The following CSMD1 variants were observed in gnomAD, a reference collection of about 807,000 sequenced individuals.
The protein encoded by CSMD1 is CUB and Sushi multiple domains 1, also known as CUB and sushi domain-containing protein 1.
A neutral mutation model predicts 417.5 loss-of-function variants in CSMD1; 213 were observed. The observed-to-expected ratio is 0.51, with a 90% CI of 0.46 to 0.57. The LOEUF (loss-of-function observed/expected upper bound fraction) is 0.57, where lower values mean the gene tolerates loss of function less well. Among genes scored for constraint, CSMD1 ranks in the 20% least tolerant of loss-of-function variants. The pLI, the probability that CSMD1 is intolerant of heterozygous loss-of-function variation, is 0.00. For synonymous variants in CSMD1, 2,862 were observed against 1,736.8 expected (o/e 1.65, Z -16.11); for missense variants, 6,923 against 4,529.7 (o/e 1.53, Z -15.17).
chr8:4,157,392 T>A (rs1007603078), intron 3 of CSMD1, among the ~76,000 whole-genome samples: 7 of 152,170 alleles, frequency 4.6e-5, no homozygotes, highest in South Asian at 2.1e-4. Flanking sequence ...AGCTCAAAGG[T>A]TGAATTGAAA....
chr8:3,055,749 G>A (rs11136565), intron 49 of CSMD1, among the ~76,000 whole-genome samples: 16,931 of 152,228 alleles, frequency 0.11, 1,205 homozygotes, highest in East Asian at 0.35. Flanking sequence ...CAGCTTAGGC[G>A]AATAATCATT....
chr8:2,945,818 T>C (rs188792773), intron 68 of CSMD1, among the ~76,000 whole-genome samples: 30 of 152,332 alleles, frequency 2.0e-4, no homozygotes, highest in African/African-American at 6.0e-4. Context: ...ACTACAATGA[T>C]AAATCAAACA....
At chr8:2,961,559 G>C (rs1228923207) in intron 61 of CSMD1, among the ~76,000 whole-genome samples, 1 of 151,696 alleles carries the variant, frequency 6.6e-6, no homozygotes, top group African/African-American at 2.4e-5. Flanking sequence ...TGCTTATTAG[G>C]ATTCAATAAT....
intron 7 of CSMD1, among the ~76,000 whole-genome samples, chr8:3,669,219 A>C (rs993361399): frequency 6.6e-6 from 1 of 152,238 alleles, no homozygotes; most frequent in Non-Finnish European, 1.5e-5. Flanking sequence ...AAATTCAAAG[A>C]CACTAAATAA....
intron 12 of CSMD1, among the ~76,000 whole-genome samples, chr8:3,423,690 C>T (rs973066234): frequency 3.3e-5 from 5 of 152,114 alleles, no homozygotes; most frequent in South Asian, 2.1e-4. Context: ...GAAAGTCTTA[C>T]GAATGTTCCA....
At chr8:4,642,791 T>G (rs887267937) in intron 1 of CSMD1, among the ~76,000 whole-genome samples, 3 of 152,208 alleles carry the variant, frequency 2.0e-5, no homozygotes, top group Non-Finnish European at 4.4e-5. Context: ...GGAATGGTTT[T>G]GCTATTCAAA....
chr8:4,803,985 G>T (rs1163666546), intron 1 of CSMD1, among the ~76,000 whole-genome samples: 2 of 152,138 alleles, frequency 1.3e-5, no homozygotes, highest in Non-Finnish European at 2.9e-5. Flanking sequence ...AGTCAAAGAC[G>T]GCAGGAGCCA....
At chr8:4,151,350 G>A (rs989704227) in intron 3 of CSMD1, among the ~76,000 whole-genome samples, 1 of 152,160 alleles carries the variant, frequency 6.6e-6, no homozygotes, top group Admixed American at 6.5e-5. Flanking sequence ...CTTATTTACA[G>A]TGAGACATTA....
At chr8:3,808,185 T>C (rs1218832562) in intron 5 of CSMD1, among the ~76,000 whole-genome samples, 1 of 152,204 alleles carries the variant, frequency 6.6e-6, no homozygotes, top group Non-Finnish European at 1.5e-5. Flanking sequence ...CCTATTAAAA[T>C]TGTTTTTGCA....
At chr8:3,972,462 C>A (rs556970196) in intron 5 of CSMD1, among the ~76,000 whole-genome samples, 2 of 152,256 alleles carry the variant, frequency 1.3e-5, no homozygotes, top group Admixed American at 1.3e-4. Flanking sequence ...GATTCCTTGG[C>A]TTCTTTCATT....
intron 25 of CSMD1, among the ~76,000 whole-genome samples, chr8:3,290,927 G>C (rs1328536210): frequency 1.3e-5 from 2 of 152,114 alleles, no homozygotes; most frequent in Non-Finnish European, 2.9e-5. Context: ...AATGCTTCCA[G>C]TTTTTCCCAT....
intron 5 of CSMD1, among the ~76,000 whole-genome samples, chr8:3,827,040 T>C (rs896629820): frequency 1.3e-5 from 2 of 152,166 alleles, no homozygotes; most frequent in Admixed American, 6.6e-5. Context: ...TCTTGGCCTT[T>C]TGAAGTGTTG....
At chr8:3,315,091 T>C (rs548190685) in intron 23 of CSMD1, among the ~76,000 whole-genome samples, 3 of 152,202 alleles carry the variant, frequency 2.0e-5, no homozygotes, top group Non-Finnish European at 1.5e-5. Flanking sequence ...TCTGTTAATT[T>C]TACCTAAGAC....
intron 4 of CSMD1, among the ~76,000 whole-genome samples, chr8:4,017,891 G>A (rs1416635905): frequency 6.6e-6 from 1 of 152,132 alleles, no homozygotes; most frequent in Non-Finnish European, 1.5e-5. Flanking sequence ...AAAGGACTTA[G>A]GCTAATCATC....
At chr8:4,344,909 C>G (rs1235103142) in intron 3 of CSMD1, among the ~76,000 whole-genome samples, 1 of 152,088 alleles carries the variant, frequency 6.6e-6, no homozygotes, top group Non-Finnish European at 1.5e-5. Flanking sequence ...AGAACAGGCA[C>G]TATGCAACAG....
intron 5 of CSMD1, among the ~76,000 whole-genome samples, chr8:3,993,313 T>C (rs1014430633): frequency 3.3e-5 from 5 of 152,314 alleles, no homozygotes; most frequent in South Asian, 4.1e-4. Context: ...GAGAGAAGGA[T>C]TGATTTCAGG....
At chr8:3,460,602 G>T (rs549101297) in intron 12 of CSMD1, among the ~76,000 whole-genome samples, 1 of 152,176 alleles carries the variant, frequency 6.6e-6, no homozygotes, top group Non-Finnish European at 1.5e-5. Flanking sequence ...CTAAGGGTAA[G>T]AGAATGAAGA....
intron 1 of CSMD1, among the ~76,000 whole-genome samples, chr8:4,823,830 G>A (rs760947292): frequency 6.6e-6 from 1 of 151,926 alleles, no homozygotes; most frequent in African/African-American, 2.4e-5. Context: ...AGCTCACAGA[G>A]GTTGAAGATA....
intron 3 of CSMD1, among the ~76,000 whole-genome samples, chr8:4,404,637 A>C (rs986123503): frequency 6.6e-6 from 1 of 152,152 alleles, no homozygotes; most frequent in East Asian, 1.9e-4. Flanking sequence ...AGTAATGTGA[A>C]TTTATATTAA....
Sources: gnomAD v4.1 joint callset for allele counts (sites outside exome capture counted in the v4.1 genomes callset) on GRCh38, gnomAD v4.1.1 for gene constraint, MANE v1.5 for transcripts, NCBI Gene and HGNC (gene_info 2026-07-23, HGNC 2026-07-21) for gene names.